CEP250: variants seen among roughly 807,000 people sequenced by gnomAD.
CEP250 encodes the protein centrosomal protein 250.
In CEP250, 242 loss-of-function variants were observed where a neutral mutation model predicts 315.7. The observed-to-expected ratio is 0.77, with a 90% CI of 0.69 to 0.85. The LOEUF (loss-of-function observed/expected upper bound fraction) is 0.85, where lower values mean the gene tolerates loss of function less well. CEP250 is among the 40% of genes least tolerant of loss of function. The pLI is 0.00. For synonymous variants in CEP250, 1,088 were observed against 1,175.0 expected, an observed-to-expected ratio of 0.93 and a Z score of 1.51; for missense variants, 2,515 against 2,886.4, an observed-to-expected ratio of 0.87 and a Z score of 2.95.
chr20:35,466,413 T>C (rs1380467038), intron 7 of CEP250, among the ~76,000 whole-genome samples: 5 of 152,180 alleles, frequency 3.3e-5, no homozygotes, highest in African/African-American at 1.2e-4. Context: ...CTAGTCTAGG[T>C]TCTGCTGGGA....
chr20:35,470,974 C>T (rs932231105), intron 10 of CEP250, among the ~76,000 whole-genome samples: 1 of 152,126 alleles, frequency 6.6e-6, no homozygotes, highest in Non-Finnish European at 1.5e-5. Flanking sequence ...AACCCTCTGG[C>T]TTAATACCAT....
At chr20:35,496,233 A>T (rs576514327) in intron 24 of CEP250, among the ~76,000 whole-genome samples, 256 of 152,214 alleles carry the variant, frequency 1.7e-3, no homozygotes, top group Non-Finnish European at 2.7e-3. Context: ...GCTACTCTGG[A>T]GGCTGAGGCA....
chr20:35,466,343 C>T lies in CEP250; in HGVS notation c.492+139C>T. On this transcript the variant is annotated intron_variant, in intron 7 of 34. Coordinates refer to ENST00000397527, the MANE Select transcript of CEP250 (RefSeq NM_007186.6). ...TGTTAAAGTCCCTGACCATCCTTAC[C>T]TGCGCATGCTGGCAGCCTCAGCCTT... 5 of 1,033,398 alleles carry T rather than the reference C, an allele frequency of 4.8e-6. No homozygotes were observed. The South Asian group carries it at 6.7e-5, about 14-fold the overall frequency. The allele number at this position is 1,033,398 out of a possible 1,614,324, so 64.0% of individuals were successfully genotyped here.
chr20:35,491,355 G>C lies in CEP250; in HGVS notation c.2889+9G>C. Reference sequence around the variant, plus strand: ...AGAAATTAAAGGAGCAGGTATGGAGGGTGGTCTCGGGAGTAGGGGAGAAAG... The same window carrying C: ...AGAAATTAAAGGAGCAGGTATGGAGCGTGGTCTCGGGAGTAGGGGAGAAAG... On this transcript the variant is annotated intron_variant, in intron 22 of 34. Coordinates refer to ENST00000397527, the MANE Select transcript of CEP250 (RefSeq NM_007186.6). 1.3e-6 allele frequency: 2 copies of C among 1,579,232 alleles called. No individual in the cohort carries two copies. Among genetic ancestry groups the C allele is most frequent in the Non-Finnish European group, 1.7e-6 (2 of 1,162,372 alleles).
At position 35,493,079 on chromosome 20, in the gene CEP250, C is replaced by T. The variant is rs887279789; in HGVS notation, c.2890-350C>T. ...GTGGGATATGATTTATTTATATATACGTATACATATGTATATACATATATG... is the reference window on the plus strand; with the variant it reads ...GTGGGATATGATTTATTTATATATATGTATACATATGTATATACATATATG... On this transcript the variant is annotated intron_variant, in intron 22 of 34. Transcript: ENST00000397527. 5.3e-5 allele frequency among the ~76,000 whole-genome samples: 8 copies of T among 151,866 alleles called. 1 individual carries two copies. The South Asian group carries it at 1.0e-3, about 20-fold the overall frequency.
chr20:35,498,623 GA>G lies in CEP250; in HGVS notation c.3685del (p.Arg1229GlufsTer5), dbSNP rs1413058015. 6.2e-7 allele frequency: 1 copy of G among 1,604,320 alleles called. No individual in the cohort carries two copies. The highest frequency in any genetic ancestry group is 8.5e-7 in the Non-Finnish European group (1 of 1,177,440). ...DQNGARSLFK[R>X]GPLLTALSAE... Reference sequence around the variant, plus strand: ...AGAATGGAGCTAGGAGCCTCTTTAAGAGAGGGCCCCTGCTGACTGCTCTCTC... The same window carrying G: ...AGAATGGAGCTAGGAGCCTCTTTAAGGAGGGCCCCTGCTGACTGCTCTCTC... On this transcript the variant is annotated frameshift_variant, in exon 27 of 35. Transcript: ENST00000397527. LOFTEE classifies it high-confidence loss of function.
chr20:35,488,230 T>G (rs932250512), intron 20 of CEP250, among the ~76,000 whole-genome samples: 2 of 152,236 alleles, frequency 1.3e-5, no homozygotes, highest in African/African-American at 4.8e-5. Context: ...AGATCAGTTT[T>G]TTTAACACTT....
intron 9 of CEP250, 144 bp from the exon 10 acceptor site, chr20:35,469,746 G>C (rs1568765934): frequency 1.9e-6 from 1 of 527,190 alleles, no homozygotes; most frequent in Non-Finnish European, 3.4e-6. Flanking sequence ...AGGGAGTGCA[G>C]ACGGGCTGGG....
chr20:35,456,801 T>TC (rs1365605670), intron 1 of CEP250, among the ~76,000 whole-genome samples: 2 of 151,808 alleles, frequency 1.3e-5, no homozygotes, highest in Non-Finnish European at 2.9e-5. Flanking sequence ...TTTTTTTTTT[T>TC]TGAGACCTGG....
chr20:35,455,886 A>T (rs895979233), intron 1 of CEP250, 135 bp downstream of exon 1: 1 of 152,374 alleles, frequency 6.6e-6, no homozygotes, highest in Non-Finnish European at 1.5e-5. Context: ...TGCATTACAC[A>T]TAAGGGCCCA....
intron 26 of CEP250, 108 bp downstream of exon 26, chr20:35,498,175 G>T: frequency 2.3e-6 from 2 of 852,120 alleles, no homozygotes; most frequent in Non-Finnish European, 3.5e-6. Flanking sequence ...TCAGGGTTAA[G>T]ATTACATACT....
Position 35,511,598 on chromosome 20 carries a change from C to A in CEP250, c.7301C>A (p.Pro2434His). The change falls in exon 35 of 35, where the codon CCC (proline) becomes CAC (histidine). Residue 2434 changes from proline to histidine, a missense_variant. Pro to His is a moderately conservative substitution (Grantham distance 77). Transcript: ENST00000397527. ...GGGCCAGTCCTGCTACACCCCAGCC[C>A]CAGCACTACCCAAGCCGCCTCCAGG... ...SPGPVLLHPS[P>H]STTQAASR 6.2e-7 allele frequency: 1 copy of A among 1,612,558 alleles called. No individual in the cohort carries two copies. The highest frequency in any genetic ancestry group is 8.5e-7 in the Non-Finnish European group (1 of 1,179,428).
chr20:35,500,449 G>A (rs1219951246), intron 28 of CEP250, among the ~76,000 whole-genome samples: 2 of 152,062 alleles, frequency 1.3e-5, no homozygotes, highest in South Asian at 2.1e-4. Context: ...ACCAACCAGC[G>A]GAGCCACCGG....
chr20:35,498,535 G>A, intron 26 of CEP250, 60 bp from the exon 27 acceptor site: 1 of 1,591,488 alleles, frequency 6.3e-7, no homozygotes, highest in Non-Finnish European at 8.5e-7. Flanking sequence ...TGTCTGGAGA[G>A]GTCTGGCTGT....
At chr20:35,505,036 G>A (rs1297359350) in intron 30 of CEP250, 31 bp downstream of exon 30, 1 of 1,545,116 alleles carries the variant, frequency 6.5e-7, no homozygotes, top group African/African-American at 1.4e-5. Flanking sequence ...TAAGGGCCAG[G>A]GGACACACCC....
At chr20:35,502,091 TC>T (rs1224085816) in intron 29 of CEP250, 125 bp downstream of exon 29, 2 of 1,129,610 alleles carry the variant, frequency 1.8e-6, no homozygotes, top group Non-Finnish European at 2.5e-6. Flanking sequence ...TGTCTCCATG[TC>T]CCTGGGGGCC....
In CEP250 at chr20:35,503,800, G is replaced by A. The variant is rs767284222; in HGVS notation, c.5431G>A (p.Ala1811Thr). 1.2e-6 allele frequency: 2 copies of A among 1,613,916 alleles called. No homozygotes were observed. Among genetic ancestry groups the A allele is most frequent in the Admixed American group, 1.7e-5 (1 of 60,018 alleles). Residue 1811 changes from alanine (A) to threonine (T), a missense_variant, in exon 30 of 35, where the codon GCC (alanine) becomes ACC (threonine). Transcript: ENST00000397527. This position sits in a 1 kb window ranked among gnomAD's most constrained non-coding sequence, Gnocchi z 4.2. ...LQSQLDEAQR[A>T]LAQRDQELEA... ...GAGTCAACTGGATGAGGCCCAGAGA[G>A]CCCTAGCCCAGAGGGACCAGGAACT...
At position 35,494,765 on chromosome 20, in the gene CEP250, C is replaced by G. The variant is rs974053843; in HGVS notation, c.3167+108C>G. On this transcript the variant is annotated intron_variant, in intron 24 of 34. Transcript: ENST00000397527. The stretch of plus-strand genomic sequence containing the variant: ...CACCTTGCCTTTCATGTCTGCAACT[C>G]TGGGATGTACATGTAGCCATGTGGA... 2.6e-5 allele frequency: 33 copies of G among 1,255,596 alleles called. No individual in the cohort carries two copies. In the African/African-American group the frequency reaches 4.5e-4, roughly 17 times the overall value. The allele number at this position is 1,255,596 out of a possible 1,614,324, so 77.8% of individuals were successfully genotyped here. A position where few individuals can be genotyped will look rare whatever the true frequency, so the allele number is the denominator to read the frequency against.
In CEP250 at chr20:35,467,437, C is replaced by T. The variant is rs1245595193; in HGVS notation, c.733C>T (p.Gln245Ter). 1 of 1,614,202 alleles carries T rather than the reference C, an allele frequency of 6.2e-7. No homozygotes were observed. The highest frequency in any genetic ancestry group is 8.5e-7 in the Non-Finnish European group (1 of 1,180,034). Residue 245 changes from glutamine (Q) to a stop codon, truncating the protein, a stop_gained, in exon 9 of 35, where the codon CAG becomes TAG. Coordinates refer to ENST00000397527, the MANE Select transcript of CEP250 (RefSeq NM_007186.6). LOFTEE classifies it high-confidence loss of function. Reference protein sequence around the residue: ...SGRMDGREPAQLLLLLAKTQE... With the variant: ...SGRMDGREPA Reference sequence around the variant, plus strand: ...AAGAATGGATGGGCGGGAGCCGGCCCAGCTGCTGCTGCTACTAGCCAAGAC... The same window carrying T: ...AAGAATGGATGGGCGGGAGCCGGCCTAGCTGCTGCTGCTACTAGCCAAGAC...
Sources: gnomAD v4.1 joint callset for allele counts (sites outside exome capture counted in the v4.1 genomes callset) on GRCh38, gnomAD v4.1.1 for gene constraint, Gnocchi (gnomAD v3.1) non-coding constraint, MANE v1.5 for transcripts, NCBI Gene and HGNC (gene_info 2026-07-23, HGNC 2026-07-21) for gene names.